ANKRD44: variants seen among roughly 807,000 people sequenced by gnomAD.
The protein encoded by ANKRD44 is serine/threonine-protein phosphatase 6 regulatory ankyrin repeat subunit B.
Under a neutral mutation model 116.0 loss-of-function variants are expected in ANKRD44, and 35 were observed. That is an observed-to-expected ratio of 0.30 (90% CI 0.23 to 0.40). The LOEUF is 0.40. Ranked by LOEUF, ANKRD44 falls within the 10% of genes least tolerant of loss-of-function variation. ANKRD44 has a pLI of 1.00. For missense variants in ANKRD44, 1,014 were observed against 1,242.6 expected, an observed-to-expected ratio of 0.82 and a Z score of 2.77; for synonymous variants, 435 against 461.8, an observed-to-expected ratio of 0.94 and a Z score of 0.74.
intron 2 of ANKRD44, among the ~76,000 whole-genome samples, chr2:197,171,003 G>A (rs193176358): frequency 5.8e-4 from 88 of 152,296 alleles, no homozygotes; most frequent in African/African-American, 2.1e-3. Flanking sequence ...CTTAGAAATA[G>A]GAAGTTAAAA....
intron 1 of ANKRD44, chr2:197,199,010 A>C (rs1047473550): frequency 2.6e-5 from 4 of 152,138 alleles, no homozygotes; most frequent in Non-Finnish European, 5.9e-5. Flanking sequence ...CCACCTATGC[A>C]AGCTCCTTCT....
chr2:197,141,099 C>G (rs982533494), intron 3 of ANKRD44, among the ~76,000 whole-genome samples: 2 of 152,112 alleles, frequency 1.3e-5, no homozygotes, highest in African/African-American at 4.8e-5. Context: ...CGCCTGTAAT[C>G]CCAGCTACTC....
intron 2 of ANKRD44, among the ~76,000 whole-genome samples, chr2:197,182,650 C>T (rs988534428): frequency 1.3e-5 from 2 of 150,432 alleles, no homozygotes; most frequent in African/African-American, 4.8e-5. Context: ...TTCCAGGACC[C>T]CCACATACAC....
intron 8 of ANKRD44, among the ~76,000 whole-genome samples, chr2:197,117,276 G>C (rs980730231): frequency 6.6e-6 from 1 of 151,818 alleles, no homozygotes; most frequent in Non-Finnish European, 1.5e-5. Flanking sequence ...GTCTTGCTCT[G>C]TTGCCCAGGC....
chr2:197,172,687 C>T (rs1241068164), intron 2 of ANKRD44, among the ~76,000 whole-genome samples: 1 of 152,088 alleles, frequency 6.6e-6, no homozygotes, highest in Non-Finnish European at 1.5e-5. Flanking sequence ...GCCTCAGCCT[C>T]CCAAGTAACT....
intron 17 of ANKRD44, among the ~76,000 whole-genome samples, chr2:197,019,564 A>G (rs2125933265): frequency 6.6e-6 from 1 of 152,318 alleles, no homozygotes; most frequent in South Asian, 2.1e-4. Flanking sequence ...AATGTGGAGG[A>G]GCTGGGTTTC....
Position 197,086,968 on chromosome 2 carries a change from A to G in ANKRD44, c.1248-220T>C, listed in dbSNP as rs569592934. ...AAGCTAATAAATCAATAGATTAAAG[A>G]GCTTGGTGGAATATTTTTAATTCCA... On this transcript the variant is annotated intron_variant, in intron 12 of 27. Transcript: ENST00000282272. Among the ~76,000 whole-genome samples the G allele has an allele frequency of 9.8e-5, 15 of 152,308 alleles. No individual in the cohort carries two copies. The South Asian group carries it at 1.0e-3, about 11-fold the overall frequency.
At position 197,236,911 on chromosome 2, in the gene ANKRD44, C is replaced by G. The variant is rs954716114; in HGVS notation, c.28-49805G>C. 1.2e-4 allele frequency among the ~76,000 whole-genome samples: 18 copies of G among 152,112 alleles called. No homozygotes were observed. In the East Asian group the frequency reaches 3.5e-3, roughly 29 times the overall value. On this transcript the variant is annotated intron_variant, in intron 1 of 27. Coordinates refer to ENST00000282272, the MANE Select transcript of ANKRD44 (RefSeq NM_001195144.2). ...ACAGAAGTGGCAAAGGCATATCTGC[C>G]TCCAGAAATATTAGAGGAAAAATGG...
At chr2:197,091,251 C>G (rs912511138) in intron 10 of ANKRD44, among the ~76,000 whole-genome samples, 3 of 152,214 alleles carry the variant, frequency 2.0e-5, no homozygotes, top group African/African-American at 7.2e-5. Flanking sequence ...CACTCCTGCC[C>G]GTGCCAAAGC....
chr2:197,177,325 G>T (rs114322458), intron 2 of ANKRD44, among the ~76,000 whole-genome samples: 221 of 152,228 alleles, frequency 1.5e-3, no homozygotes, highest in Non-Finnish European at 2.9e-3. Flanking sequence ...GATGGTAGAA[G>T]AAAGAAAAGA....
chr2:197,303,756 T>G (rs369866138), intron 1 of ANKRD44, among the ~76,000 whole-genome samples: 1 of 152,200 alleles, frequency 6.6e-6, no homozygotes, highest in East Asian at 1.9e-4. Flanking sequence ...GACTATATAT[T>G]TATTTGCTTA....
At chr2:197,249,008 C>T (rs1489516662) in intron 1 of ANKRD44, among the ~76,000 whole-genome samples, 3 of 152,268 alleles carry the variant, frequency 2.0e-5, no homozygotes, top group South Asian at 2.1e-4. Flanking sequence ...TGAGGTGGCT[C>T]ATACCTGTAA....
intron 16 of ANKRD44, among the ~76,000 whole-genome samples, chr2:197,039,771 C>T (rs939101233): frequency 5.9e-5 from 9 of 151,334 alleles, no homozygotes; most frequent in African/African-American, 2.2e-4. Context: ...CTATGTTAAT[C>T]AGCCCTTATC....
At chr2:197,014,774 A>G (rs1359353805) in intron 17 of ANKRD44, among the ~76,000 whole-genome samples, 1 of 150,582 alleles carries the variant, frequency 6.6e-6, no homozygotes, top group Non-Finnish European at 1.5e-5. Context: ...ACAGAGCAAG[A>G]CTCTGTCTCC....
intron 6 of ANKRD44, among the ~76,000 whole-genome samples, chr2:197,124,435 TATA>T (rs1295830166): frequency 3.3e-5 from 5 of 152,310 alleles, no homozygotes; most frequent in South Asian, 2.1e-4. Context: ...AATTTTAGCA[TATA>T]ATATTTTCCA....
intron 16 of ANKRD44, among the ~76,000 whole-genome samples, chr2:197,067,132 C>T (rs1182680099): frequency 1.3e-5 from 2 of 152,118 alleles, no homozygotes; most frequent in Admixed American, 1.3e-4. Context: ...TAATACCACA[C>T]ATCTACAACT....
At chr2:197,136,311 G>A (rs1174429820) in intron 4 of ANKRD44, 3 of 442,270 alleles carry the variant, frequency 6.8e-6, no homozygotes, top group South Asian at 6.0e-5. Context: ...TGATGATATT[G>A]TAATGATATG....
At chr2:197,293,115 T>C (rs1349445344) in intron 1 of ANKRD44, among the ~76,000 whole-genome samples, 2 of 152,270 alleles carry the variant, frequency 1.3e-5, no homozygotes, top group East Asian at 3.9e-4. Context: ...AACCAAAAAT[T>C]AATCACTTCC....
At chr2:197,073,052 T>C (rs1314353145) in intron 16 of ANKRD44, among the ~76,000 whole-genome samples, 1 of 152,134 alleles carries the variant, frequency 6.6e-6, no homozygotes, top group African/African-American at 2.4e-5. Context: ...AAAGACTGAG[T>C]GGGTAACGAG....
Sources: gnomAD v4.1 joint callset for allele counts (sites outside exome capture counted in the v4.1 genomes callset) on GRCh38, gnomAD v4.1.1 for gene constraint, MANE v1.5 for transcripts, NCBI Gene and HGNC (gene_info 2026-07-23, HGNC 2026-07-21) for gene names.